Variants in MGST1 observed in about 807,000 individuals in gnomAD.
MGST1 encodes the protein microsomal glutathione S-transferase 1, also known as glutathione S-transferase 12.
Under a neutral mutation model 8.9 loss-of-function variants are expected in MGST1, and 5 were observed. The ratio of observed to expected loss-of-function variants is 0.56; its 90% CI spans 0.29 to 1.19. MGST1 has a LOEUF of 1.19. Ranked by LOEUF, MGST1 falls within the 50% of genes most tolerant of loss-of-function variation. The pLI, the probability that MGST1 is intolerant of heterozygous loss-of-function variation, is 0.08. For synonymous variants in MGST1, 54 were observed against 67.8 expected (o/e 0.80, Z 1.00); for missense variants, 182 against 187.4 (o/e 0.97, Z 0.17).
In MGST1 at chr12:16,488,557, A is replaced by G. The variant is rs552598609; in HGVS notation, n.483-100971A>G. On this transcript the variant is annotated intron_variant and non_coding_transcript_variant, in intron 4 of 4. Coordinates refer to the MGST1 transcript ENST00000538857. ...CTATTTTGAGAAGTCTTTCTTGTTT[A>G]CTTTCCTCCATAGTCTGCCAGGTTT... Among the ~76,000 whole-genome samples the G allele has an allele frequency of 1.4e-4, 21 of 152,194 alleles. No homozygotes were observed. In the South Asian group the frequency reaches 3.9e-3, roughly 29 times the overall value.
chr12:16,428,909 A>C (rs1940915667), intron 1 of MGST1, among the ~76,000 whole-genome samples: 1 of 152,100 alleles, frequency 6.6e-6, no homozygotes, highest in Non-Finnish European at 1.5e-5. Context: ...TCATTTAAAC[A>C]TGATAAAATG....
At chr12:16,527,619 G>A (rs1229042720) in intron 4 of MGST1, among the ~76,000 whole-genome samples, 1 of 151,890 alleles carries the variant, frequency 6.6e-6, no homozygotes, top group Non-Finnish European at 1.5e-5. Flanking sequence ...CTTATAAAAG[G>A]AGTCTGAGGT....
At chr12:16,396,663 AAAG>A (rs1940609285) in intron 1 of MGST1, among the ~76,000 whole-genome samples, 1 of 152,242 alleles carries the variant, frequency 6.6e-6, no homozygotes, top group South Asian at 2.1e-4. Context: ...GAGATCAAAT[AAAG>A]AACTCAACTC....
At chr12:16,366,538 G>A (rs907433875), downstream of MGST1, among the ~76,000 whole-genome samples, 7 of 151,938 alleles carry the variant, frequency 4.6e-5, no homozygotes, top group East Asian at 1.4e-3. The surrounding 1 kb of genome is among the most constrained non-coding windows in gnomAD (Gnocchi z 4.0). Context: ...TTACTTATGA[G>A]GAATAGGATG....
intron 4 of MGST1, among the ~76,000 whole-genome samples, chr12:16,566,683 T>C (rs996053786): frequency 1.4e-4 from 22 of 152,076 alleles, no homozygotes; most frequent in Non-Finnish European, 3.1e-4. Context: ...AGTTCAGCCT[T>C]TGTAAATAAT....
downstream of MGST1, among the ~76,000 whole-genome samples, chr12:16,593,016 TGA>T (rs892840153): frequency 1.3e-5 from 2 of 151,870 alleles, no homozygotes; most frequent in Non-Finnish European, 2.9e-5. The surrounding 1 kb of genome is among the most constrained non-coding windows in gnomAD (Gnocchi z 4.2). Context: ...ACAGCATAAA[TGA>T]GACAGGAATT....
At chr12:16,442,070 T>C (rs1941043687), downstream of MGST1, among the ~76,000 whole-genome samples, 1 of 151,868 alleles carries the variant, frequency 6.6e-6, no homozygotes, top group African/African-American at 2.4e-5. This position sits in a 1 kb window ranked among gnomAD's most constrained non-coding sequence, Gnocchi z 4.5. Flanking sequence ...ACACATAATA[T>C]GGAGCGTCTT....
At chr12:16,466,586 C>T (rs888608096) in intron 4 of MGST1, among the ~76,000 whole-genome samples, 1 of 151,936 alleles carries the variant, frequency 6.6e-6, no homozygotes, top group African/African-American at 2.4e-5. Context: ...AAATATGAGC[C>T]ACTTGAATAA....
chr12:16,432,553 A>C (rs991065944), intron 1 of MGST1, among the ~76,000 whole-genome samples: 1 of 151,972 alleles, frequency 6.6e-6, no homozygotes, highest in African/African-American at 2.4e-5. Flanking sequence ...TGAGTCTCCC[A>C]AGGACAGGTG....
At chr12:16,403,542 CACCATTTTTTAATGTCAAAACTGCAATT>C (rs2137065202) in intron 1 of MGST1, among the ~76,000 whole-genome samples, 1 of 151,936 alleles carries the variant, frequency 6.6e-6, no homozygotes, top group African/African-American at 2.4e-5. Context: ...TTGCTGTTTT[CACCATTTTTTAATGTCAAAACTGCAATT>C]ACTTTTGCAC....
intron 4 of MGST1, among the ~76,000 whole-genome samples, chr12:16,454,225 T>G (rs1941151641): frequency 6.6e-6 from 1 of 151,924 alleles, no homozygotes; most frequent in Non-Finnish European, 1.5e-5. Context: ...AGAATACTTG[T>G]ACAAATGATT....
At chr12:16,407,098 G>A (rs532997902) in intron 1 of MGST1, among the ~76,000 whole-genome samples, 10 of 152,306 alleles carry the variant, frequency 6.6e-5, no homozygotes, top group Admixed American at 5.2e-4. Flanking sequence ...CACAGTGAAA[G>A]AAACTATCAA....
At chr12:16,368,940 A>G (rs1284551932), downstream of MGST1, among the ~76,000 whole-genome samples, 1 of 152,192 alleles carries the variant, frequency 6.6e-6, no homozygotes, top group South Asian at 2.1e-4. Flanking sequence ...AAAATAATCC[A>G]AATAATCCAA....
In MGST1 at chr12:16,500,984, T is replaced by G. The variant is rs1941502424; in HGVS notation, n.483-88544T>G. On this transcript the variant is annotated intron_variant and non_coding_transcript_variant, in intron 4 of 4. Coordinates refer to the MGST1 transcript ENST00000538857. This position sits in a 1 kb window ranked among gnomAD's most constrained non-coding sequence, Gnocchi z 4.3. ...AGCTGGGTATGGTGGTGTGCACCTG[T>G]AGTCCCAGCTACTTGGTAGCCTGAG... Among the ~76,000 whole-genome samples, 1 of 151,552 alleles carries G rather than the reference T, an allele frequency of 6.6e-6. No homozygotes were observed. Among genetic ancestry groups the G allele is most frequent in the Non-Finnish European group, 1.5e-5 (1 of 67,964 alleles).
Position 16,360,317 on chromosome 12 carries a change from C to G in MGST1, c.221+2618C>G, listed in dbSNP as rs1416012987. On this transcript the variant is annotated intron_variant, in intron 3 of 3. Transcript: ENST00000396210. ...TACTTCAGTCATTGTAAAGCTGTTA[C>G]GATTAGCATATTTGAACGGCAGAGC... 6 of 983,886 alleles carry G rather than the reference C, an allele frequency of 6.1e-6. No individual in the cohort carries two copies. The Admixed American group carries it at 1.9e-4, about 30-fold the overall frequency. 60.9% of individuals were successfully genotyped at this position (983,886 alleles called of 1,614,324 possible).
At chr12:16,384,638 T>C (rs986802576) in intron 1 of MGST1, among the ~76,000 whole-genome samples, 3 of 152,260 alleles carry the variant, frequency 2.0e-5, no homozygotes, top group African/African-American at 7.2e-5. Flanking sequence ...AAGTTTGTGG[T>C]AATTTGGTAT....
intron 1 of MGST1, among the ~76,000 whole-genome samples, chr12:16,386,004 C>T (rs1940500986): frequency 6.6e-6 from 1 of 152,152 alleles, no homozygotes; most frequent in African/African-American, 2.4e-5. Flanking sequence ...TCACTCTTTG[C>T]TTCATTTGGT....
At chr12:16,484,384 C>T (rs566875969) in intron 4 of MGST1, among the ~76,000 whole-genome samples, 21 of 151,748 alleles carry the variant, frequency 1.4e-4, no homozygotes, top group South Asian at 4.2e-4. Flanking sequence ...CCCAGAGGCA[C>T]GATAAAGAAT....
intron 4 of MGST1, among the ~76,000 whole-genome samples, chr12:16,554,303 A>G (rs12423365): frequency 0.18 from 27,786 of 152,130 alleles, 2,643 homozygotes; most frequent in Admixed American, 0.24. Context: ...TAGCCTAGCC[A>G]TCTTCTTTCC....
Sources: allele counts gnomAD v4.1 joint callset (sites outside exome capture counted in the v4.1 genomes callset), GRCh38; gene constraint gnomAD v4.1.1; non-coding constraint Gnocchi (gnomAD v3.1); transcripts MANE v1.5; gene names NCBI Gene and HGNC (gene_info 2026-07-23, HGNC 2026-07-21).